Variants in USP32 observed in about 807,000 individuals in gnomAD.
USP32 encodes ubiquitin carboxyl-terminal hydrolase 32.
USP32 carries 59 observed loss-of-function variants against 204.8 expected under a neutral mutation model. The observed-to-expected ratio is 0.29, with a 90% CI of 0.23 to 0.36. The LOEUF (loss-of-function observed/expected upper bound fraction) is 0.36, where lower values mean the gene tolerates loss of function less well. Among genes scored for constraint, USP32 ranks in the 10% least tolerant of loss-of-function variants. The probability of loss-of-function intolerance (pLI) is 1.00; values close to 1 mark genes in which losing one functional copy is unlikely to be tolerated. For synonymous variants in USP32, 517 were observed against 678.4 expected, an observed-to-expected ratio of 0.76 and a Z score of 3.70; for missense variants, 1,160 against 1,946.4, an observed-to-expected ratio of 0.60 and a Z score of 7.60.
intron 1 of USP32, among the ~76,000 whole-genome samples, chr17:60,376,339 T>A (rs1009287294): frequency 1.1e-4 from 17 of 151,854 alleles, no homozygotes; most frequent in African/African-American, 4.1e-4. Flanking sequence ...AGTTCCAGTA[T>A]CTTATTATAA....
chr17:60,315,560 A>C (rs947331826), intron 2 of USP32, among the ~76,000 whole-genome samples: 6 of 152,254 alleles, frequency 3.9e-5, no homozygotes, highest in Non-Finnish European at 8.8e-5. Context: ...TAGAATTACC[A>C]TATGACCTGA....
chr17:60,231,701 G>T, intron 12 of USP32: 1 of 432,168 alleles, frequency 2.3e-6, no homozygotes, highest in Non-Finnish European at 4.8e-6. Flanking sequence ...AACTAAATAG[G>T]AAAATCTGCA....
At position 60,252,448 on chromosome 17, in the gene USP32, G is replaced by GA. The variant is rs1280587659; in HGVS notation, c.1075-7dup. 2.8e-5 allele frequency: 44 copies of GA among 1,599,966 alleles called. No homozygotes were observed. Among genetic ancestry groups the GA allele is most frequent in the Non-Finnish European group, 3.5e-5 (41 of 1,173,724 alleles). Reference sequence around the variant, plus strand: ...CCCAGAACTATGTGACACACCTAGGGAAAAAAATGGTAAATCAAAGTTTAT... The same window carrying GA: ...CCCAGAACTATGTGACACACCTAGGGAAAAAAAATGGTAAATCAAAGTTTAT... On this transcript the variant is annotated splice_polypyrimidine_tract_variant and splice_region_variant and intron_variant, in intron 10 of 33. Transcript: ENST00000300896.
chr17:60,378,693 T>C (rs1439882071), intron 1 of USP32, among the ~76,000 whole-genome samples: 4 of 152,102 alleles, frequency 2.6e-5, no homozygotes, highest in Non-Finnish European at 5.9e-5. Flanking sequence ...AGGTCAAATA[T>C]TGTACGATTC....
intron 12 of USP32, among the ~76,000 whole-genome samples, chr17:60,233,002 T>A (rs1023788194): frequency 1.3e-5 from 2 of 152,224 alleles, no homozygotes; most frequent in Non-Finnish European, 2.9e-5. Context: ...AAATAGATAT[T>A]ACTATTAATC....
At chr17:60,385,251 C>T (rs2089710270) in intron 1 of USP32, among the ~76,000 whole-genome samples, 1 of 152,136 alleles carries the variant, frequency 6.6e-6, no homozygotes, top group African/African-American at 2.4e-5. Context: ...TGTAATTTTC[C>T]ACTACCCACC....
chr17:60,266,415 T>A lies in USP32; in HGVS notation c.812-324A>T, dbSNP rs1032817994. On this transcript the variant is annotated intron_variant, in intron 7 of 33. Coordinates refer to ENST00000300896, the MANE Select transcript of USP32 (RefSeq NM_032582.4). ...AATAAATATTACAATACCTTACAAGTTTTTAGGAAGTAATGCAAACCCCTA... is the reference window on the plus strand; with the variant it reads ...AATAAATATTACAATACCTTACAAGATTTTAGGAAGTAATGCAAACCCCTA... Among the ~76,000 whole-genome samples the A allele has an allele frequency of 3.3e-5, 5 of 152,228 alleles. No individual in the cohort carries two copies. The South Asian group carries it at 8.3e-4, about 25-fold the overall frequency.
In USP32 at chr17:60,290,883, C is replaced by T. The variant is rs150286225; in HGVS notation, c.412-2201G>A. ...ATCGCTAGCGAAGATGTCTAGGGGTCAGTTTTGTGGAACTAATCCCTCAAG... is the reference window on the plus strand; with the variant it reads ...ATCGCTAGCGAAGATGTCTAGGGGTTAGTTTTGTGGAACTAATCCCTCAAG... On this transcript the variant is annotated intron_variant, in intron 4 of 33. Coordinates refer to ENST00000300896, the MANE Select transcript of USP32 (RefSeq NM_032582.4). Among the ~76,000 whole-genome samples the T allele has an allele frequency of 7.7e-3, 1,180 of 152,258 alleles. 13 individuals are homozygous for T. The highest frequency in any genetic ancestry group is 0.027 in the African/African-American group (1,131 of 41,546).
chr17:60,337,729 T>C (rs552480649), intron 2 of USP32, among the ~76,000 whole-genome samples: 1 of 152,152 alleles, frequency 6.6e-6, no homozygotes, highest in East Asian at 1.9e-4. Flanking sequence ...ATAAATAAAC[T>C]GATTAACTGG....
upstream of USP32, among the ~76,000 whole-genome samples, chr17:60,395,388 C>T (rs1030474762): frequency 5.9e-5 from 9 of 152,156 alleles, no homozygotes; most frequent in Non-Finnish European, 1.3e-4. Flanking sequence ...ATTATTGTAG[C>T]CAGTGAAGCA....
intron 1 of USP32, among the ~76,000 whole-genome samples, chr17:60,382,211 A>G (rs1446524063): frequency 6.6e-6 from 1 of 152,222 alleles, no homozygotes; most frequent in Admixed American, 6.5e-5. Flanking sequence ...CCAGATGTCA[A>G]GTTCTCTCAG....
At chr17:60,200,113 G>A (rs542075496) in intron 26 of USP32, among the ~76,000 whole-genome samples, 1 of 152,156 alleles carries the variant, frequency 6.6e-6, no homozygotes, top group South Asian at 2.1e-4. Flanking sequence ...AGAATCACTT[G>A]AACGCAGGAG....
chr17:60,212,319 T>C (rs2084990929), intron 18 of USP32, among the ~76,000 whole-genome samples: 1 of 152,238 alleles, frequency 6.6e-6, no homozygotes, highest in Non-Finnish European at 1.5e-5. Context: ...TACACAAACC[T>C]AGGCTATGTA....
upstream of USP32, among the ~76,000 whole-genome samples, chr17:60,394,170 A>G (rs909508438): frequency 2.6e-5 from 4 of 152,208 alleles, no homozygotes; most frequent in Non-Finnish European, 4.4e-5. Flanking sequence ...TTTCCAGGTC[A>G]TTAGTTCGGT....
At chr17:60,409,010 C>T (rs60354470) in intron 1 of USP32, among the ~76,000 whole-genome samples, 33,318 of 152,144 alleles carry the variant, frequency 0.22, 9,054 homozygotes, top group African/African-American at 0.64. Flanking sequence ...TGGGGAGACA[C>T]AGCTGAGCAT....
chr17:60,205,280 A>C (rs71373841), intron 26 of USP32, among the ~76,000 whole-genome samples, 167 bp downstream of exon 26: 1 of 152,268 alleles, frequency 6.6e-6, no homozygotes, highest in South Asian at 2.1e-4. Flanking sequence ...GATTTTGAGG[A>C]CAGGATAAAA....
chr17:60,284,328 C>T (rs779461558), intron 5 of USP32, among the ~76,000 whole-genome samples: 6 of 151,648 alleles, frequency 4.0e-5, no homozygotes, highest in Non-Finnish European at 8.8e-5. Flanking sequence ...ATTCTCCTGC[C>T]TCTGCCTCCC....
intron 27 of USP32, among the ~76,000 whole-genome samples, chr17:60,195,069 T>C (rs1031979692): frequency 6.6e-6 from 1 of 152,240 alleles, no homozygotes; most frequent in African/African-American, 2.4e-5. Context: ...ATTTCATCCA[T>C]AACTTTACCA....
chr17:60,220,490 C>T (rs531827236), intron 15 of USP32, among the ~76,000 whole-genome samples: 1 of 152,262 alleles, frequency 6.6e-6, no homozygotes, highest in African/African-American at 2.4e-5. Flanking sequence ...AAAAAAAACT[C>T]AGATTTCACA....
Sources: gnomAD v4.1 joint callset for allele counts (sites outside exome capture counted in the v4.1 genomes callset) on GRCh38, gnomAD v4.1.1 for gene constraint, MANE v1.5 for transcripts, NCBI Gene and HGNC (gene_info 2026-07-23, HGNC 2026-07-21) for gene names.